The following LRRC37A2 variants were observed in gnomAD, a reference collection of about 807,000 sequenced individuals.
LRRC37A2 encodes leucine-rich repeat-containing protein 37A2.
A neutral mutation model predicts 68.8 loss-of-function variants in LRRC37A2; 9 were observed. The observed-to-expected ratio is 0.13, with a 90% confidence interval of 0.08 to 0.23. LRRC37A2 has a LOEUF of 0.23. Among genes scored for constraint, LRRC37A2 ranks in the 10% least tolerant of loss-of-function variants. LRRC37A2 has a pLI of 1.00. For missense variants in LRRC37A2, 168 were observed against 950.4 expected (o/e 0.18, Z 10.82); for synonymous variants, 63 against 367.6 (o/e 0.17, Z 9.48).
the LRRC37A2 span, among the ~76,000 whole-genome samples, chr17:47,020,044 A>C: frequency 6.7e-6 from 1 of 149,490 alleles, no homozygotes; most frequent in African/African-American, 2.5e-5. Context: ...TAGCCCCATC[A>C]CATCATTGCT....
chr17:46,872,785 G>A, the LRRC37A2 span: 17 of 1,578,420 alleles, frequency 1.1e-5, no homozygotes, highest in East Asian at 2.3e-5. Context: ...TGGGGAGGAG[G>A]GCTAGGGGAC....
chr17:47,022,168 C>CTTTTTTTTTTTTTTTTTTTT, the LRRC37A2 span, among the ~76,000 whole-genome samples: 1 of 19,722 alleles, frequency 5.1e-5, no homozygotes, highest in African/African-American at 9.7e-5. Context: ...TTTTTGTTCT[C>CTTTTTTTTTTTTTTTTTTTT]TTTTTTTTTT....
chr17:46,849,849 C>CT, the LRRC37A2 span, among the ~76,000 whole-genome samples: 9,275 of 145,654 alleles, frequency 0.064, 886 homozygotes, highest in African/African-American at 0.2. Context: ...CATTTAATAT[C>CT]TTTTTTTTTT....
chr17:46,729,897 C>CTA, the LRRC37A2 span, among the ~76,000 whole-genome samples: 1 of 151,842 alleles, frequency 6.6e-6, no homozygotes, highest in Non-Finnish European at 1.5e-5. Flanking sequence ...GAAACATAAC[C>CTA]TATAATAGTC....
At chr17:46,958,106 C>A in the LRRC37A2 span, among the ~76,000 whole-genome samples, 4 of 152,168 alleles carry the variant, frequency 2.6e-5, no homozygotes, top group Admixed American at 2.0e-4. Flanking sequence ...CTCCTCTCCC[C>A]ATTTGTGCAG....
the LRRC37A2 span, chr17:46,938,928 T>C: frequency 6.6e-7 from 1 of 1,509,456 alleles, no homozygotes; most frequent in Admixed American, 2.0e-5. Context: ...CTGTTTTCTG[T>C]GACATCTTGG....
the LRRC37A2 span, among the ~76,000 whole-genome samples, chr17:46,956,727 C>T: frequency 6.6e-6 from 1 of 152,164 alleles, no homozygotes; most frequent in African/African-American, 2.4e-5. Context: ...TCTCGTGGCT[C>T]CTGTTGGATG....
the LRRC37A2 span, among the ~76,000 whole-genome samples, chr17:46,849,865 T>TTTTTTG: frequency 6.6e-6 from 1 of 151,752 alleles, no homozygotes. Flanking sequence ...TTTTTTGTTT[T>TTTTTTG]GAGATGGAGT....
chr17:46,516,446 G>A (rs1487244128), intron 2 of LRRC37A2, among the ~76,000 whole-genome samples: 1 of 145,448 alleles, frequency 6.9e-6, no homozygotes, highest in Non-Finnish European at 1.5e-5. Flanking sequence ...TGCTACATGG[G>A]TAAGCTAAAA....
chr17:46,926,602 C>T, the LRRC37A2 span, among the ~76,000 whole-genome samples: 1 of 152,214 alleles, frequency 6.6e-6, no homozygotes, highest in Non-Finnish European at 1.5e-5. Flanking sequence ...GCTTGTGTAT[C>T]ACCTGTTTCT....
At chr17:46,858,562 C>T in the LRRC37A2 span, among the ~76,000 whole-genome samples, 2 of 152,124 alleles carry the variant, frequency 1.3e-5, no homozygotes, top group Non-Finnish European at 2.9e-5. Context: ...TTGAGTAAGC[C>T]TGGAGCCTAA....
chr17:46,622,253 C>T, the LRRC37A2 span, among the ~76,000 whole-genome samples: 1 of 143,872 alleles, frequency 7.0e-6, no homozygotes, highest in African/African-American at 2.7e-5. Context: ...GTCAGGAGAT[C>T]GAGACCAGCC....
At chr17:46,856,326 T>C in the LRRC37A2 span, among the ~76,000 whole-genome samples, 2 of 152,182 alleles carry the variant, frequency 1.3e-5, no homozygotes, top group African/African-American at 4.8e-5. Context: ...ACATATGTGC[T>C]AAGTGCTCAG....
chr17:46,744,319 T>G, the LRRC37A2 span, among the ~76,000 whole-genome samples: 1 of 152,242 alleles, frequency 6.6e-6, no homozygotes, highest in African/African-American at 2.4e-5. Context: ...CTTAATATTC[T>G]GAAATATTTC....
chr17:46,549,254 T>C, exon 10 of LRRC37A2: 1 of 1,611,302 alleles, frequency 6.2e-7, no homozygotes, highest in South Asian at 1.1e-5. Context: ...GAAAACCCTT[T>C]TCTGGAAGTA....
chr17:46,849,975 G>A, the LRRC37A2 span, among the ~76,000 whole-genome samples: 1 of 151,992 alleles, frequency 6.6e-6, no homozygotes, highest in South Asian at 2.1e-4. Context: ...AGCCTCCTGA[G>A]TAGCTGGGAT....
the LRRC37A2 span, among the ~76,000 whole-genome samples, chr17:46,712,436 A>G: frequency 6.6e-6 from 1 of 152,218 alleles, no homozygotes; most frequent in African/African-American, 2.4e-5. Context: ...AGAGGTATCA[A>G]ACATGACCCC....
chr17:46,715,236 A>G, the LRRC37A2 span, among the ~76,000 whole-genome samples: 1 of 152,248 alleles, frequency 6.6e-6, no homozygotes, highest in Non-Finnish European at 1.5e-5. Flanking sequence ...ATCATAGTTT[A>G]TTCTGTCTCT....
the LRRC37A2 span, among the ~76,000 whole-genome samples, chr17:46,989,458 A>G: frequency 2.0e-5 from 3 of 152,310 alleles, no homozygotes; most frequent in East Asian, 3.9e-4. Context: ...GGACCTGCCA[A>G]TTAGGCTTCC....
Sources: allele counts gnomAD v4.1 joint callset (sites outside exome capture counted in the v4.1 genomes callset), GRCh38; gene constraint gnomAD v4.1.1; transcripts MANE v1.5; gene names NCBI Gene and HGNC (gene_info 2026-07-23, HGNC 2026-07-21).